Variants in RALGPS1 observed in about 807,000 individuals in gnomAD.
RALGPS1 encodes the protein ras-specific guanine nucleotide-releasing factor RalGPS1.
Under a neutral mutation model 78.8 loss-of-function variants are expected in RALGPS1, and 19 were observed. That is an observed-to-expected ratio of 0.24 (90% CI 0.17 to 0.35). The LOEUF is 0.35. Among genes scored for constraint, RALGPS1 ranks in the 10% least tolerant of loss-of-function variants. RALGPS1 has a pLI of 1.00. For missense variants in RALGPS1, 454 were observed against 688.3 expected, an observed-to-expected ratio of 0.66 and a Z score of 3.81; for synonymous variants, 228 against 256.3, an observed-to-expected ratio of 0.89 and a Z score of 1.06.
chr9:127,212,323 C>A lies in RALGPS1; in HGVS notation c.1353+87C>A. ...CTCCTAGAGGTCTCAGCAAAAGTCACATGCATGGCAGAGGCTCTGCTTGCA... is the reference window on the plus strand; with the variant it reads ...CTCCTAGAGGTCTCAGCAAAAGTCAAATGCATGGCAGAGGCTCTGCTTGCA... On this transcript the variant is annotated intron_variant, in intron 15 of 18. Coordinates refer to ENST00000259351, the MANE Select transcript of RALGPS1 (RefSeq NM_014636.3). This position sits in a 1 kb window ranked among gnomAD's most constrained non-coding sequence, Gnocchi z 6.0. 1 of 1,010,764 alleles carries A rather than the reference C, an allele frequency of 9.9e-7. No homozygotes were observed. The highest frequency in any genetic ancestry group is 1.5e-6 in the Non-Finnish European group (1 of 689,638). The allele number at this position is 1,010,764 out of a possible 1,614,324, so 62.6% of individuals were successfully genotyped here. A position where few individuals can be genotyped will look rare whatever the true frequency, so the allele number is the denominator to read the frequency against.
chr9:126,964,458 T>C (rs1215833584), intron 2 of RALGPS1, among the ~76,000 whole-genome samples: 3 of 152,096 alleles, frequency 2.0e-5, no homozygotes, highest in African/African-American at 4.8e-5. Context: ...CTGCCAGTTA[T>C]TTTTTAAGCT....
In RALGPS1 at chr9:127,183,315, G is replaced by A. The variant is rs768300069; in HGVS notation, c.910+8533G>A. Among the ~76,000 whole-genome samples the A allele has an allele frequency of 6.6e-6, 1 of 152,170 alleles. No individual in the cohort carries two copies. Among genetic ancestry groups the A allele is most frequent in the Non-Finnish European group, 1.5e-5 (1 of 68,032 alleles). ...CGTGGGTATTTCAGAGATTCCACAA[G>A]TCCCTTGACCCAGGCAGATGCAAAC... On this transcript the variant is annotated intron_variant, in intron 11 of 18. Coordinates refer to ENST00000259351, the MANE Select transcript of RALGPS1 (RefSeq NM_014636.3). This position sits in a 1 kb window ranked among gnomAD's most constrained non-coding sequence, Gnocchi z 4.0.
chr9:126,960,141 G>A (rs1371016617), intron 1 of RALGPS1, among the ~76,000 whole-genome samples: 2 of 146,568 alleles, frequency 1.4e-5, no homozygotes, highest in Non-Finnish European at 3.0e-5. Context: ...GCTTGCCCCT[G>A]TTTCTTCCCT....
chr9:127,074,609 G>T (rs1013148484), intron 8 of RALGPS1, among the ~76,000 whole-genome samples: 1 of 152,214 alleles, frequency 6.6e-6, no homozygotes, highest in East Asian at 1.9e-4. Flanking sequence ...CTCTTTTCTC[G>T]AATAAGGATG....
Position 126,997,128 on chromosome 9 carries a change from A to G in RALGPS1, c.216+19383A>G, listed in dbSNP as rs1274543490. On this transcript the variant is annotated intron_variant, in intron 4 of 18. Transcript: ENST00000259351. ...TTCCCTTTGAAAACGGGCACAAGAC[A>G]GGGATGCCCTCTCTCACCACTCCTA... Among the ~76,000 whole-genome samples, 3 of 152,246 alleles carry G rather than the reference A, an allele frequency of 2.0e-5. No individual in the cohort carries two copies. The East Asian group carries it at 5.8e-4, about 29-fold the overall frequency.
intron 14 of RALGPS1, among the ~76,000 whole-genome samples, chr9:127,209,124 C>G (rs1409893519): frequency 6.6e-6 from 1 of 152,248 alleles, no homozygotes; most frequent in Non-Finnish European, 1.5e-5. Flanking sequence ...CACAAAGGAT[C>G]TCACTGCAAG....
chr9:127,034,307 A>G lies in RALGPS1; in HGVS notation c.217-124A>G, dbSNP rs561792063. The G allele has an allele frequency of 4.1e-5, 33 of 807,892 alleles. No homozygotes were observed. The African/African-American group carries it at 5.0e-4, about 12-fold the overall frequency. The allele number at this position is 807,892 out of a possible 1,614,324, so 50.0% of individuals were successfully genotyped here. Reference sequence around the variant, plus strand: ...AGCCCTTCTCTTCCACCTAGTAAAGATGGGAACAGCCAAGGTGTCAGCCCT... The same window carrying G: ...AGCCCTTCTCTTCCACCTAGTAAAGGTGGGAACAGCCAAGGTGTCAGCCCT... On this transcript the variant is annotated intron_variant, in intron 4 of 18. Transcript: ENST00000259351.
intron 1 of RALGPS1, among the ~76,000 whole-genome samples, chr9:126,952,699 G>GTGTGTC (rs2037973533): frequency 6.6e-6 from 1 of 150,596 alleles, no homozygotes; most frequent in Non-Finnish European, 1.5e-5. Context: ...CTGTGTGTCT[G>GTGTGTC]TGCGCATGTG....
intron 11 of RALGPS1, among the ~76,000 whole-genome samples, chr9:127,180,839 G>A (rs886782502): frequency 6.6e-6 from 1 of 152,254 alleles, no homozygotes; most frequent in African/African-American, 2.4e-5. Flanking sequence ...GGAGTCACCT[G>A]GAGCCATCTT....
intron 8 of RALGPS1, among the ~76,000 whole-genome samples, chr9:127,110,383 C>G (rs1310881505): frequency 6.6e-6 from 1 of 152,206 alleles, no homozygotes; most frequent in African/African-American, 2.4e-5. Flanking sequence ...TCCTCAGAGC[C>G]TGTGCTGGTT....
intron 4 of RALGPS1, among the ~76,000 whole-genome samples, chr9:127,024,929 G>A (rs1002333758): frequency 6.6e-6 from 1 of 151,990 alleles, no homozygotes; most frequent in African/African-American, 2.4e-5. Context: ...TATTTATTGA[G>A]GTTTAATTAC....
intron 4 of RALGPS1, among the ~76,000 whole-genome samples, chr9:127,000,522 T>TTCTTG (rs2043189863): frequency 6.7e-6 from 1 of 149,474 alleles, no homozygotes; most frequent in African/African-American, 2.4e-5. Flanking sequence ...TGCTATTGAT[T>TTCTTG]TCTTGTCTTG....
At chr9:127,210,580 T>G in intron 14 of RALGPS1, 1 of 729,590 alleles carries the variant, frequency 1.4e-6, no homozygotes, top group East Asian at 2.7e-5. Context: ...GGGAGGGAGG[T>G]TGCTCTGCGG....
chr9:126,932,850 G>T (rs571260537), intron 1 of RALGPS1, among the ~76,000 whole-genome samples: 2 of 152,164 alleles, frequency 1.3e-5, no homozygotes, highest in Non-Finnish European at 2.9e-5. Context: ...ACTGTTGGTC[G>T]TGAAGGATCG....
Position 127,035,150 on chromosome 9 carries a change from G to A in RALGPS1, c.300+636G>A, listed in dbSNP as rs144719935. ...AAGCATGTCTATCTTGTTCATTACT[G>A]TGTCCCCCACCACCTTGCCCAATGT... On this transcript the variant is annotated intron_variant, in intron 5 of 18. Transcript: ENST00000259351. 2.0e-4 allele frequency among the ~76,000 whole-genome samples: 30 copies of A among 152,248 alleles called. No individual in the cohort carries two copies. In the East Asian group the frequency reaches 5.4e-3, roughly 27 times the overall value.
chr9:127,040,809 T>C (rs1276027411), intron 5 of RALGPS1, among the ~76,000 whole-genome samples: 3 of 152,194 alleles, frequency 2.0e-5, no homozygotes, highest in East Asian at 1.9e-4. Flanking sequence ...ATCATAAACA[T>C]GTAGCCTTTT....
At chr9:126,985,690 C>T (rs1438671259) in intron 4 of RALGPS1, among the ~76,000 whole-genome samples, 1 of 152,224 alleles carries the variant, frequency 6.6e-6, no homozygotes, top group Non-Finnish European at 1.5e-5. Flanking sequence ...TTCTTGTCTT[C>T]TCTCTTTCCT....
rs565093331 is a variant in RALGPS1 at position 127,124,501 on chromosome 9, C to G, written c.611-41568C>G. On this transcript the variant is annotated intron_variant, in intron 8 of 18. Coordinates refer to ENST00000259351, the MANE Select transcript of RALGPS1 (RefSeq NM_014636.3). Reference sequence around the variant, plus strand: ...CCCACACACTGGGGAGCAGAGAGAGCCATTCTACTGTTTCATCTCCAAATT... The same window carrying G: ...CCCACACACTGGGGAGCAGAGAGAGGCATTCTACTGTTTCATCTCCAAATT... 8.0e-4 allele frequency among the ~76,000 whole-genome samples: 122 copies of G among 152,300 alleles called. 2 individuals are homozygous for G. The highest frequency in any genetic ancestry group is 2.9e-3 in the South Asian group (14 of 4,826).
At chr9:126,977,360 A>C (rs2040765796) in intron 3 of RALGPS1, among the ~76,000 whole-genome samples, 1 of 152,266 alleles carries the variant, frequency 6.6e-6, no homozygotes, top group Non-Finnish European at 1.5e-5. Flanking sequence ...AAAGTAGTTC[A>C]TGCTTGAAAT....
Sources: allele counts gnomAD v4.1 joint callset (sites outside exome capture counted in the v4.1 genomes callset), GRCh38; gene constraint gnomAD v4.1.1; non-coding constraint Gnocchi (gnomAD v3.1); transcripts MANE v1.5; gene names NCBI Gene and HGNC (gene_info 2026-07-23, HGNC 2026-07-21).